FBXO34: variants seen among roughly 807,000 people sequenced by gnomAD.
FBXO34 encodes F-box protein 34.
Under a neutral mutation model 24.5 loss-of-function variants are expected in FBXO34, and 12 were observed. That is an observed-to-expected ratio of 0.49 (90% CI 0.31 to 0.79). FBXO34 has a LOEUF of 0.79. FBXO34 is among the 30% of genes least tolerant of loss of function. FBXO34 has a pLI of 0.04. For synonymous variants in FBXO34, 320 were observed against 311.9 expected (o/e 1.03, Z -0.27); for missense variants, 823 against 857.7 (o/e 0.96, Z 0.51).
intron 1 of FBXO34, among the ~76,000 whole-genome samples, chr14:55,278,672 T>A (rs975769275): frequency 1.3e-5 from 2 of 152,182 alleles, no homozygotes; most frequent in Admixed American, 6.5e-5. Context: ...AAAAGTATTT[T>A]AAAAAATTGT....
chr14:55,429,078 T>C, the FBXO34 span: 5 of 1,389,212 alleles, frequency 3.6e-6, no homozygotes, highest in Admixed American at 2.0e-5. Flanking sequence ...TATCTTTCAA[T>C]GTATACTATG....
chr14:55,382,459 GTACC>G, the FBXO34 span, among the ~76,000 whole-genome samples: 8 of 152,100 alleles, frequency 5.3e-5, no homozygotes, highest in African/African-American at 1.9e-4. Context: ...GGGACTACAG[GTACC>G]TACCTACCAC....
At chr14:55,324,943 A>G (rs1161112548) in intron 1 of FBXO34, among the ~76,000 whole-genome samples, 1 of 152,174 alleles carries the variant, frequency 6.6e-6, no homozygotes, top group African/African-American at 2.4e-5. Context: ...GCATCCTGGC[A>G]CTTAGATGAT....
At chr14:55,426,094 T>C in the FBXO34 span, among the ~76,000 whole-genome samples, 1 of 151,840 alleles carries the variant, frequency 6.6e-6, no homozygotes. Context: ...TGGTAAAACC[T>C]CGTCTCTACT....
chr14:55,328,843 A>G (rs1883439526), intron 1 of FBXO34, among the ~76,000 whole-genome samples: 1 of 152,178 alleles, frequency 6.6e-6, no homozygotes, highest in Admixed American at 6.5e-5. Flanking sequence ...ACAGTATGAT[A>G]GGGTGTGTGT....
chr14:55,335,675 T>C (rs1363453342), intron 1 of FBXO34, among the ~76,000 whole-genome samples: 1 of 152,218 alleles, frequency 6.6e-6, no homozygotes, highest in Non-Finnish European at 1.5e-5. Flanking sequence ...CAGTACTTAG[T>C]ATATAAGATG....
rs1391006985 is a variant in FBXO34 at position 55,296,761 on chromosome 14, G to A, written c.-11+25224G>A. On this transcript the variant is annotated intron_variant, in intron 1 of 1. Coordinates refer to ENST00000313833, the MANE Select transcript of FBXO34 (RefSeq NM_017943.4). Reference sequence around the variant, plus strand: ...ACACAAAATTATAGTAGTGGAAACAGTCTTCCCCTACCTACTATAGAAAGC... The same window carrying A: ...ACACAAAATTATAGTAGTGGAAACAATCTTCCCCTACCTACTATAGAAAGC... 3.3e-5 allele frequency among the ~76,000 whole-genome samples: 5 copies of A among 152,080 alleles called. No homozygotes were observed. The East Asian group carries it at 9.6e-4, about 29-fold the overall frequency.
At chr14:55,355,687 A>G (rs1342632741), downstream of FBXO34, among the ~76,000 whole-genome samples, 2 of 152,194 alleles carry the variant, frequency 1.3e-5, no homozygotes, top group African/African-American at 4.8e-5. Context: ...CAGAGACTTG[A>G]GCATCTGCAG....
At chr14:55,378,700 CT>C in the FBXO34 span, among the ~76,000 whole-genome samples, 5 of 151,660 alleles carry the variant, frequency 3.3e-5, no homozygotes, top group African/African-American at 1.2e-4. Context: ...TCCCTCTTAC[CT>C]TTTTTGTTTG....
chr14:55,325,899 A>G (rs1883326560), intron 1 of FBXO34: 2 of 152,256 alleles, frequency 1.3e-5, no homozygotes, highest in Non-Finnish European at 2.9e-5. Context: ...TTAAAAAACC[A>G]AAACTATAGA....
chr14:55,393,178 G>A, the FBXO34 span, among the ~76,000 whole-genome samples: 5 of 152,120 alleles, frequency 3.3e-5, no homozygotes, highest in South Asian at 4.2e-4. Context: ...TCAGGAGATT[G>A]AGACCATCCT....
the FBXO34 span, among the ~76,000 whole-genome samples, chr14:55,433,221 T>C: frequency 6.6e-6 from 1 of 151,840 alleles, no homozygotes; most frequent in Non-Finnish European, 1.5e-5. Context: ...CTCAAACTCA[T>C]GGGCTCAGGT....
At chr14:55,393,301 T>C in the FBXO34 span, among the ~76,000 whole-genome samples, 4 of 151,330 alleles carry the variant, frequency 2.6e-5, no homozygotes, top group Admixed American at 6.6e-5. Context: ...AGGAGAATGG[T>C]GTGAACCCAG....
At chr14:55,366,235 A>T (rs191243390), downstream of FBXO34, among the ~76,000 whole-genome samples, 10 of 152,308 alleles carry the variant, frequency 6.6e-5, no homozygotes, top group Admixed American at 3.3e-4. Context: ...CCATAATTTT[A>T]AAAAATATAT....
At chr14:55,305,945 C>T (rs1440095037) in intron 1 of FBXO34, among the ~76,000 whole-genome samples, 1 of 152,192 alleles carries the variant, frequency 6.6e-6, no homozygotes, top group Non-Finnish European at 1.5e-5. Flanking sequence ...GTCAACAGAG[C>T]CACAATGAGA....
At chr14:55,349,337 A>G (rs1158375385) in intron 1 of FBXO34, among the ~76,000 whole-genome samples, 2 of 152,134 alleles carry the variant, frequency 1.3e-5, no homozygotes, top group Non-Finnish European at 1.5e-5. Context: ...CGTTTCTGAA[A>G]TAGCTCCCAT....
the FBXO34 span, among the ~76,000 whole-genome samples, chr14:55,380,853 G>GTA: frequency 2.0e-3 from 215 of 107,984 alleles, 2 homozygotes; most frequent in African/African-American, 9.0e-3. Flanking sequence ...CATTCTTTGT[G>GTA]TGTATATATA....
At chr14:55,367,444 T>C (rs1335263011) in exon 3 of FBXO34, 1 of 152,346 alleles carries the variant, frequency 6.6e-6, no homozygotes, top group South Asian at 2.1e-4. Context: ...CCCAGCAGTG[T>C]AGAAGAACCC....
downstream of FBXO34, among the ~76,000 whole-genome samples, chr14:55,370,339 T>A (rs146983002): frequency 1.7e-4 from 26 of 152,292 alleles, no homozygotes; most frequent in African/African-American, 6.0e-4. Flanking sequence ...TATTATTTAG[T>A]GTAATAAGTA....
Sources: gnomAD v4.1 joint callset for allele counts (sites outside exome capture counted in the v4.1 genomes callset) on GRCh38, gnomAD v4.1.1 for gene constraint, MANE v1.5 for transcripts, NCBI Gene and HGNC (gene_info 2026-07-23, HGNC 2026-07-21) for gene names.